MBP: variants seen among roughly 807,000 people sequenced by gnomAD.
MBP encodes myelin basic protein.
A neutral mutation model predicts 35.8 loss-of-function variants in MBP; 16 were observed. The observed-to-expected ratio is 0.45, with a 90% confidence interval of 0.30 to 0.68. The LOEUF is 0.68. Among genes scored for constraint, MBP ranks in the 30% least tolerant of loss-of-function variants. The pLI is 0.08. For synonymous variants in MBP, 143 were observed against 159.6 expected (o/e 0.90, Z 0.78); for missense variants, 380 against 404.7 (o/e 0.94, Z 0.52).
At chr18:77,054,975 A>T (rs1973664503) in intron 3 of MBP, among the ~76,000 whole-genome samples, 2 of 152,230 alleles carry the variant, frequency 1.3e-5, no homozygotes, top group South Asian at 4.1e-4. Context: ...GCATGCACGC[A>T]CACATTTAAA....
intron 4 of MBP, among the ~76,000 whole-genome samples, chr18:77,011,040 C>A (rs993860822): frequency 1.3e-5 from 2 of 152,174 alleles, no homozygotes; most frequent in African/African-American, 2.4e-5. Flanking sequence ...AGTTCCGACA[C>A]TGAAGAATGT....
At chr18:77,075,271 A>ATT (rs1200590697) in intron 2 of MBP, among the ~76,000 whole-genome samples, 1 of 152,364 alleles carries the variant, frequency 6.6e-6, no homozygotes, top group East Asian at 1.9e-4. Context: ...AAATGAGTGA[A>ATT]TTTTTGCACA....
intron 3 of MBP, among the ~76,000 whole-genome samples, chr18:77,052,446 C>G (rs1973527925): frequency 6.6e-6 from 1 of 152,198 alleles, no homozygotes; most frequent in Admixed American, 6.5e-5. Context: ...GAGCCCATCC[C>G]AGCTGCTATT....
chr18:76,986,899 A>C, intron 7 of MBP: 5 of 985,440 alleles, frequency 5.1e-6, no homozygotes, highest in Non-Finnish European at 6.0e-6. Context: ...GGGAACCTAG[A>C]ATGTACCAGG....
chr18:77,065,457 T>A (rs146063829), intron 3 of MBP, among the ~76,000 whole-genome samples: 2 of 152,204 alleles, frequency 1.3e-5, no homozygotes, highest in East Asian at 3.8e-4. Flanking sequence ...TTTAGGGGGT[T>A]AAGCTTCCAA....
chr18:77,068,304 T>C (rs919835079), intron 2 of MBP, among the ~76,000 whole-genome samples: 21 of 152,186 alleles, frequency 1.4e-4, no homozygotes, highest in African/African-American at 4.8e-4. Context: ...GTATGAAGTA[T>C]GGTACCAAGC....
chr18:77,002,395 T>C (rs79135565), intron 4 of MBP, among the ~76,000 whole-genome samples: 2,035 of 152,340 alleles, frequency 0.013, 46 homozygotes, highest in African/African-American at 0.047. Context: ...TATCTCAATA[T>C]GCCCAGAGAG....
chr18:77,071,133 A>G (rs1409831871), intron 2 of MBP, among the ~76,000 whole-genome samples: 1 of 152,208 alleles, frequency 6.6e-6, no homozygotes, highest in Non-Finnish European at 1.5e-5. Flanking sequence ...AGGCTGTGAG[A>G]GAGGAAAACA....
chr18:76,985,182 C>A (rs776686175), intron 7 of MBP: 30 of 1,470,048 alleles, frequency 2.0e-5, no homozygotes, highest in Non-Finnish European at 2.6e-5. Flanking sequence ...GGATCTAAGT[C>A]GTTTAGGGAA....
chr18:77,016,883 G>A lies in MBP; in HGVS notation c.525C>T (p.Ile175=), dbSNP rs760796623. Residue 175 remains isoleucine, a synonymous_variant, in exon 4 of 9, where the codon ATC becomes ATT. Coordinates refer to ENST00000355994, the MANE Select transcript of MBP (RefSeq NM_001025101.2). ...CCCTGTCACCGCCAAAGAAGCGCCCGATGGAGTCAAGGATGCCCGTGTCTC... is the reference window on the plus strand; with the variant it reads ...CCCTGTCACCGCCAAAGAAGCGCCCAATGGAGTCAAGGATGCCCGTGTCTC... The part of the protein sequence containing the change: ...RHRDTGILDS[I]GRFFGGDRGA... 5.0e-6 allele frequency: 8 copies of A among 1,614,132 alleles called. No homozygotes were observed. The highest frequency in any genetic ancestry group is 2.7e-5 in the African/African-American group (2 of 74,944).
In MBP at chr18:77,105,201, C is replaced by G; in HGVS notation, c.51+10G>C. 6.2e-7 allele frequency: 1 copy of G among 1,612,702 alleles called. No individual in the cohort carries two copies. The highest frequency in any genetic ancestry group is 8.5e-7 in the Non-Finnish European group (1 of 1,179,070). On this transcript the variant is annotated intron_variant, in intron 2 of 8. Transcript: ENST00000355994. ...AACATGCACATGTTTCGGATCAGCT[C>G]ACGTCTTACCGTACTGGCCTTCTCG...
intron 3 of MBP, among the ~76,000 whole-genome samples, chr18:77,029,835 A>T (rs1029443727): frequency 1.3e-5 from 2 of 152,068 alleles, no homozygotes; most frequent in Non-Finnish European, 2.9e-5. Context: ...CTGATTTGAC[A>T]GATCTGTCCT....
rs533959531 is a variant in MBP at position 77,069,073 on chromosome 18, C to T, written c.52-2688G>A. ...GTCTCTATTACAGAAACTCCCAGAA[C>T]AGTCCATTGTTTTATTCCCCTCCCT... On this transcript the variant is annotated intron_variant, in intron 2 of 8. Coordinates refer to ENST00000355994, the MANE Select transcript of MBP (RefSeq NM_001025101.2). The T allele has an allele frequency of 3.8e-4, 177 of 460,442 alleles. 1 individual carries two copies. Among genetic ancestry groups the T allele is most frequent in the African/African-American group, 3.4e-3 (170 of 50,456 alleles). The allele number at this position is 460,442 out of a possible 1,614,324, so 28.5% of individuals were successfully genotyped here.
intron 3 of MBP, among the ~76,000 whole-genome samples, chr18:77,048,376 A>C (rs1382135172): frequency 2.0e-5 from 3 of 152,250 alleles, no homozygotes; most frequent in African/African-American, 7.2e-5. Context: ...GAGAAGAGAA[A>C]AATGAAAGCT....
chr18:77,028,725 C>T (rs374315440), intron 3 of MBP, among the ~76,000 whole-genome samples: 4,909 of 71,610 alleles, frequency 0.069, 220 homozygotes, highest in African/African-American at 0.099. Flanking sequence ...ACCTCCCGGA[C>T]GGGGCGGCTG....
chr18:77,040,314 A>C (rs980193484), intron 3 of MBP, among the ~76,000 whole-genome samples: 1 of 152,238 alleles, frequency 6.6e-6, no homozygotes, highest in East Asian at 1.9e-4. Context: ...TTCCATGCTC[A>C]TGGGTAGGAA....
chr18:77,032,917 T>C (rs76721403), intron 3 of MBP, among the ~76,000 whole-genome samples: 6,171 of 152,290 alleles, frequency 0.041, 276 homozygotes, highest in East Asian at 0.14. Flanking sequence ...TGAGTTGAAT[T>C]TGGACTTTTA....
At chr18:77,103,172 T>C (rs896126830) in intron 2 of MBP, among the ~76,000 whole-genome samples, 1 of 152,194 alleles carries the variant, frequency 6.6e-6, no homozygotes, top group Non-Finnish European at 1.5e-5. Flanking sequence ...CATGGAAAAT[T>C]ACTCATGTGG....
intron 2 of MBP, among the ~76,000 whole-genome samples, chr18:77,081,813 C>CATACATATATATACACACACT (rs1974933912): frequency 1.1e-5 from 1 of 90,682 alleles, no homozygotes; most frequent in Non-Finnish European, 2.3e-5. Context: ...TATGCACACA[C>CATACATATATATACACACACT]ATATATACAC....
Sources: gnomAD v4.1 joint callset for allele counts (sites outside exome capture counted in the v4.1 genomes callset) on GRCh38, gnomAD v4.1.1 for gene constraint, MANE v1.5 for transcripts, NCBI Gene and HGNC (gene_info 2026-07-23, HGNC 2026-07-21) for gene names.